Variants in IFNL3 observed in about 807,000 individuals in gnomAD.
The protein encoded by IFNL3 is interferon lambda-3.
In IFNL3, 16 loss-of-function variants were observed where a neutral mutation model predicts 16.3. The ratio of observed to expected loss-of-function variants is 0.98; its 90% CI spans 0.67 to 1.50. The LOEUF is 1.50. Ranked by LOEUF, IFNL3 falls within the 40% of genes most tolerant of loss-of-function variation. IFNL3 has a pLI of 0.00. For missense variants in IFNL3, 254 were observed against 253.5 expected (o/e 1.00, Z -0.01); for synonymous variants, 115 against 115.3 (o/e 1.00, Z 0.02).
In IFNL3 at chr19:39,243,576, T is replaced by A. The variant is rs199512141; in HGVS notation, c.*56A>T. ...AAATAGCGACTGGGTGACAATAAATTAAGCCAAGTGGCTAATTTATAAATA... is the reference window on the plus strand; with the variant it reads ...AAATAGCGACTGGGTGACAATAAATAAAGCCAAGTGGCTAATTTATAAATA... On this transcript the variant is annotated 3_prime_UTR_variant, in exon 5 of 5. Transcript: ENST00000413851. 1.2e-5 allele frequency: 18 copies of A among 1,532,172 alleles called. No homozygotes were observed. The highest frequency in any genetic ancestry group is 1.4e-5 in the Non-Finnish European group (16 of 1,130,226). The allele number at this position is 1,532,172 out of a possible 1,614,324, so 94.9% of individuals were successfully genotyped here.
chr19:39,244,323 G>A, intron 2 of IFNL3, 94 bp downstream of exon 2: 1 of 1,496,348 alleles, frequency 6.7e-7, no homozygotes, highest in Non-Finnish European at 9.1e-7. Flanking sequence ...GGAGAGGAGA[G>A]AGGGACAATG....
intron 4 of IFNL3, 23 bp downstream of exon 4, chr19:39,243,793 ACCTCAGTC>A: frequency 6.2e-7 from 1 of 1,613,244 alleles, no homozygotes; most frequent in East Asian, 2.2e-5. Context: ...GGCTCCCCAG[ACCTCAGTC>A]CCTCTCTTCC....
At chr19:39,244,229 G>A (rs1471020395) in intron 2 of IFNL3, 72 bp from the exon 3 acceptor site, 13 of 1,587,232 alleles carry the variant, frequency 8.2e-6, no homozygotes, top group Non-Finnish European at 1.1e-5. Context: ...GGATAGAGAG[G>A]AACAAGTGAA....
In IFNL3 at chr19:39,243,725, G is replaced by A. The variant is rs557735544; in HGVS notation, c.498C>T (p.Ser166=). Residue 166 remains serine (S), a synonymous_variant, in exon 5 of 5, where the codon TCC becomes TCT. Coordinates refer to ENST00000413851, the MANE Select transcript of IFNL3 (RefSeq NM_172139.4). ...TGACAGAGGCCTCGAGGCAGCCAGGGGACTCCTGTAGGGAGGAGGGGATGG... is the reference window on the plus strand; with the variant it reads ...TGACAGAGGCCTCGAGGCAGCCAGGAGACTCCTGTAGGGAGGAGGGGATGG... ...HRLQEAPKKE[S]PGCLEASVTF... 5 of 1,612,032 alleles carry A rather than the reference G, an allele frequency of 3.1e-6. No homozygotes were observed. Among genetic ancestry groups the A allele is most frequent in the South Asian group, 1.1e-5 (1 of 90,810 alleles).
rs751656258 is a variant in IFNL3 at position 39,243,737 on chromosome 19, G to A, written c.493-7C>T. The A allele has an allele frequency of 3.7e-6, 6 of 1,612,826 alleles. No individual in the cohort carries two copies. In the South Asian group the frequency reaches 6.6e-5, roughly 18 times the overall value. ...CGAGGCAGCCAGGGGACTCCTGTAG[G>A]GAGGAGGGGATGGGTCAGGGGCTGT... On this transcript the variant is annotated splice_polypyrimidine_tract_variant and splice_region_variant and intron_variant, in intron 4 of 4. Coordinates refer to ENST00000413851, the MANE Select transcript of IFNL3 (RefSeq NM_172139.4).
intron 2 of IFNL3, 38 bp downstream of exon 2, chr19:39,244,379 G>A (rs201562370): frequency 1.5e-5 from 24 of 1,602,304 alleles, no homozygotes; most frequent in Non-Finnish European, 2.0e-5. Flanking sequence ...GGTGAGCAGG[G>A]CTGGGAGGGC....
chr19:39,244,081 T>G lies in IFNL3; in HGVS notation c.335A>C (p.Asp112Ala), dbSNP rs1355152799. 7.4e-6 allele frequency: 12 copies of G among 1,613,782 alleles called. No homozygotes were observed. Among genetic ancestry groups the G allele is most frequent in the South Asian group, 4.4e-5 (4 of 91,070 alleles). The change falls in exon 3 of 5, where the codon GAC (aspartate) becomes GCC (alanine). Residue 112 changes from aspartate (D) to alanine (A), a missense_variant. By Grantham distance (126) the Asp-to-Ala change is moderately radical. Transcript: ENST00000413851. ...LKVLEATADT[D>A]PALGDVLDQP... ...GTCCAAGACATCCCCCAGGGCTGGGTCAGTGTCAGCGGTGGCCTCCAGAAC... is the reference window on the plus strand; with the variant it reads ...GTCCAAGACATCCCCCAGGGCTGGGGCAGTGTCAGCGGTGGCCTCCAGAAC...
At position 39,244,860 on chromosome 19, in the gene IFNL3, G is replaced by A. The variant is rs1355100299; in HGVS notation, c.108C>T (p.Gly36=). ...RLRGALPDAR[G]CHIAQFKSLS... ...GGGACTTGAACTGGGCTATGTGGCA[G>A]CCCCTTGCATCCGGGAGAGCCCCGC... Residue 36 remains glycine (G), a synonymous_variant, in exon 1 of 5, where the codon GGC becomes GGT. Coordinates refer to ENST00000413851, the MANE Select transcript of IFNL3 (RefSeq NM_172139.4). 2 of 1,613,858 alleles carry A rather than the reference G, an allele frequency of 1.2e-6. No homozygotes were observed. Among genetic ancestry groups the A allele is most frequent in the African/African-American group, 2.7e-5 (2 of 74,904 alleles).
chr19:39,244,726 A>C, intron 1 of IFNL3, 62 bp downstream of exon 1: 3 of 1,569,008 alleles, frequency 1.9e-6, no homozygotes, highest in Non-Finnish European at 2.6e-6. Context: ...GTGGGAAAGC[A>C]TGGTGACCCT....
chr19:39,244,944 C>G lies in IFNL3; in HGVS notation c.24G>C (p.Val8=). The G allele has an allele frequency of 6.2e-7, 1 of 1,614,016 alleles. No homozygotes were observed. The highest frequency in any genetic ancestry group is 8.5e-7 in the Non-Finnish European group (1 of 1,179,874). Residue 8 remains valine (V), a synonymous_variant, in exon 1 of 5, where the codon GTG becomes GTC. Transcript: ENST00000413851. ...TCAGCACTGCGGCCATCAGCACCAGCACTGGCATGCAGTCCCCGGTCATGT... is the reference window on the plus strand; with the variant it reads ...TCAGCACTGCGGCCATCAGCACCAGGACTGGCATGCAGTCCCCGGTCATGT... MTGDCMP[V]LVLMAAVLTV... is the part of the protein sequence containing the mutation.
At chr19:39,244,250 A>T (rs1327638281) in intron 2 of IFNL3, 93 bp from the exon 3 acceptor site, 3 of 1,558,556 alleles carry the variant, frequency 1.9e-6, no homozygotes, top group Non-Finnish European at 8.7e-7. Flanking sequence ...GGTGACAGGC[A>T]CAGGGGAGAG....
At position 39,244,406 on chromosome 19, in the gene IFNL3, C is replaced by G. The variant is rs141228207; in HGVS notation, c.258+11G>C. The G allele has an allele frequency of 4.7e-3, 7,520 of 1,609,682 alleles. 44 individuals are homozygous for G. The highest frequency in any genetic ancestry group is 0.011 in the Middle Eastern group (64 of 6,046). Reference sequence around the variant, plus strand: ...TGGGAGGGCAGGGGTGGGCCTGACTCCCCCTCTCACCTGCAGCTGCCTCAG... The same window carrying G: ...TGGGAGGGCAGGGGTGGGCCTGACTGCCCCTCTCACCTGCAGCTGCCTCAG... On this transcript the variant is annotated intron_variant, in intron 2 of 4. Coordinates refer to ENST00000413851, the MANE Select transcript of IFNL3 (RefSeq NM_172139.4).
rs1343737483 is a variant in IFNL3, at chr19:39,244,005, C to G, written c.408+3G>C. ...CCTGGGTGCCCGGGCCCTGACGACT[C>G]ACACAGGCCCGGAGCTGGGAGAGGA... On this transcript the variant is annotated splice_donor_region_variant and intron_variant, in intron 3 of 4. Transcript: ENST00000413851. 2 of 1,613,246 alleles carry G rather than the reference C, an allele frequency of 1.2e-6. No individual in the cohort carries two copies. Among genetic ancestry groups the G allele is most frequent in the Admixed American group, 1.7e-5 (1 of 59,996 alleles).
In IFNL3 at chr19:39,243,927, G is replaced by A; in HGVS notation, c.409-20C>T. 6.2e-7 allele frequency: 1 copy of A among 1,612,200 alleles called. No individual in the cohort carries two copies. The highest frequency in any genetic ancestry group is 8.5e-7 in the Non-Finnish European group (1 of 1,178,912). ...CTGGATCTGTGGGCAGAGGAGGGCG[G>A]TGTGTGAGCCGGGGCCTTGGCCAGG... On this transcript the variant is annotated intron_variant, in intron 3 of 4. Coordinates refer to ENST00000413851, the MANE Select transcript of IFNL3 (RefSeq NM_172139.4).
Position 39,244,155 on chromosome 19 carries a change from C to A in IFNL3, c.261G>T (p.Val87=). The change falls in exon 3 of 5, where the codon GTG becomes GTT. Residue 87 remains valine (V), a splice_region_variant and synonymous_variant. Transcript: ENST00000413851. ...CCTCCAAAGCCACGGGGCGCTCCCT[C>A]ACCTGAGGAGAGGTGAGAAAGAGCA... ...PRTWDLRQLQ[V]RERPVALEAE... 2 of 1,614,100 alleles carry A rather than the reference C, an allele frequency of 1.2e-6. No homozygotes were observed. Among genetic ancestry groups the A allele is most frequent in the Non-Finnish European group, 1.7e-6 (2 of 1,180,010 alleles).
chr19:39,244,540 T>A (rs1039783956), intron 1 of IFNL3, 46 bp from the exon 2 acceptor site: 1 of 1,570,652 alleles, frequency 6.4e-7, no homozygotes, highest in African/African-American at 1.4e-5. Context: ...GGGGTGGAGG[T>A]TAGACCACTC....
In IFNL3 at chr19:39,244,465, C is replaced by T; in HGVS notation, c.210G>A (p.Lys70=). The stretch of plus-strand genomic sequence containing the variant: ...TCCTGGGGAAGAGGCGGGAGCGGCA[C>T]TTGCAGTCCTTCAGCAGAAGCGACT... ...LEESLLLKDC[K]CRSRLFPRTW... The change falls in exon 2 of 5, where the codon AAG becomes AAA. Residue 70 remains lysine, a synonymous_variant. Coordinates refer to ENST00000413851, the MANE Select transcript of IFNL3 (RefSeq NM_172139.4). 6.2e-7 allele frequency: 1 copy of T among 1,610,882 alleles called. No individual in the cohort carries two copies. The highest frequency in any genetic ancestry group is 1.3e-5 in the African/African-American group (1 of 74,736).
chr19:39,243,629 G>T lies in IFNL3; in HGVS notation c.*3C>A, dbSNP rs201110405. 3.0e-5 allele frequency: 48 copies of T among 1,586,582 alleles called. No individual in the cohort carries two copies. The South Asian group carries it at 3.7e-4, about 12-fold the overall frequency. ...ATCTCAGGTTGCATGACTGGCGGAA[G>T]GGTCAGACACACAGGTCCCCGCTGG... On this transcript the variant is annotated 3_prime_UTR_variant, in exon 5 of 5. Transcript: ENST00000413851.
At chr19:39,244,716 G>C in intron 1 of IFNL3, 72 bp downstream of exon 1, 1 of 1,551,030 alleles carries the variant, frequency 6.4e-7, no homozygotes, top group Non-Finnish European at 8.7e-7. Context: ...GAAGCTGGGA[G>C]TGGGAAAGCA....
Sources: allele counts gnomAD v4.1 joint callset, GRCh38; gene constraint gnomAD v4.1.1; transcripts MANE v1.5; gene names NCBI Gene and HGNC (gene_info 2026-07-23, HGNC 2026-07-21).